Variants in CFI observed in about 807,000 individuals in gnomAD.
CFI encodes complement factor I.
Under a neutral mutation model 78.8 loss-of-function variants are expected in CFI, and 66 were observed. That is an observed-to-expected ratio of 0.84 (90% CI 0.69 to 1.03). The LOEUF is 1.03. Among genes scored for constraint, CFI ranks in the 50% least tolerant of loss-of-function variants. The pLI, the probability that CFI is intolerant of heterozygous loss-of-function variation, is 0.00. For synonymous variants in CFI, 250 were observed against 232.6 expected (o/e 1.07, Z -0.68); for missense variants, 706 against 704.5 (o/e 1.00, Z -0.02).
intron 11 of CFI, among the ~76,000 whole-genome samples, chr4:109,744,259 G>A (rs1215389490): frequency 6.6e-6 from 1 of 152,182 alleles, no homozygotes; most frequent in Admixed American, 6.5e-5. Context: ...AAATGGTGTT[G>A]TGTCCTTATC....
At chr4:109,761,937 C>T in intron 3 of CFI, 1 of 458,254 alleles carries the variant, frequency 2.2e-6, no homozygotes, top group Non-Finnish European at 4.0e-6. Flanking sequence ...CGCCTGTAAT[C>T]CCAGCACTTT....
chr4:109,775,399 T>C (rs1403711053), intron 1 of CFI, among the ~76,000 whole-genome samples: 5 of 152,190 alleles, frequency 3.3e-5, no homozygotes, highest in African/African-American at 1.2e-4. Flanking sequence ...CCCCACTCAT[T>C]GCTAGCACAG....
chr4:109,769,803 T>C (rs1728332019), intron 1 of CFI, among the ~76,000 whole-genome samples: 1 of 152,174 alleles, frequency 6.6e-6, no homozygotes, highest in Non-Finnish European at 1.5e-5. Context: ...CACCTGTCTG[T>C]TGCCTGCCCT....
chr4:109,731,422 G>C, the CFI span, among the ~76,000 whole-genome samples: 1 of 152,094 alleles, frequency 6.6e-6, no homozygotes. Context: ...TCTAGGTTTG[G>C]CCTTTTGTGT....
At chr4:109,738,327 G>T (rs1445864029), downstream of CFI, among the ~76,000 whole-genome samples, 1 of 151,904 alleles carries the variant, frequency 6.6e-6, no homozygotes. Context: ...GCCCAGGCTG[G>T]TCTCAAACTT....
chr4:109,764,252 G>A (rs1032806474), intron 3 of CFI: 24 of 465,846 alleles, frequency 5.2e-5, no homozygotes, highest in African/African-American at 1.2e-4. Context: ...AATTGTAGAC[G>A]AGTAGGAGAC....
intron 1 of CFI, among the ~76,000 whole-genome samples, chr4:109,789,386 A>G (rs1057183317): frequency 4.6e-5 from 7 of 152,030 alleles, no homozygotes; most frequent in African/African-American, 1.7e-4. Flanking sequence ...GTCACACTCA[A>G]ATTACTTGGA....
intron 1 of CFI, among the ~76,000 whole-genome samples, chr4:109,797,692 T>C (rs1339673213): frequency 3.9e-5 from 6 of 152,140 alleles, no homozygotes; most frequent in South Asian, 2.1e-4. Flanking sequence ...CTAAAATACA[T>C]AGGGAATTCC....
At chr4:109,746,187 C>T in intron 11 of CFI, 35 bp downstream of exon 11, 2 of 1,611,472 alleles carry the variant, frequency 1.2e-6, no homozygotes. Context: ...ATTTCCAACT[C>T]ATGGCTTCTG....
In CFI at chr4:109,752,936, A is replaced by G. The variant is rs185041533; in HGVS notation, c.905-433T>C. On this transcript the variant is annotated intron_variant, in intron 7 of 12. Transcript: ENST00000394634. ...TATTTATAATATATATTTATTATAT[A>G]AATAAATATTTATAATACATATTTA... Among the ~76,000 whole-genome samples, 673 of 66,214 alleles carry G rather than the reference A, an allele frequency of 0.01. 77 individuals are homozygous for G. In the East Asian group the frequency reaches 0.13, roughly 12 times the overall value. 43.4% of individuals were successfully genotyped at this position (66,214 alleles called of 152,430 possible).
chr4:109,766,047 G>T (rs1253985239), intron 2 of CFI, among the ~76,000 whole-genome samples: 1 of 152,052 alleles, frequency 6.6e-6, no homozygotes, highest in Non-Finnish European at 1.5e-5. Flanking sequence ...GAACCCGGGA[G>T]GCAGAGGTTG....
intron 2 of CFI, among the ~76,000 whole-genome samples, chr4:109,766,130 C>A (rs1727721450): frequency 6.6e-6 from 1 of 152,006 alleles, no homozygotes; most frequent in South Asian, 2.1e-4. Context: ...AAAAACAAAA[C>A]AAACAAAAAC....
chr4:109,758,894 A>G lies in CFI; in HGVS notation c.884-1111T>C, dbSNP rs1178436910. 3.9e-5 allele frequency among the ~76,000 whole-genome samples: 6 copies of G among 152,340 alleles called. No individual in the cohort carries two copies. The East Asian group carries it at 7.7e-4, about 20-fold the overall frequency. On this transcript the variant is annotated intron_variant, in intron 6 of 12. Coordinates refer to ENST00000394634, the MANE Select transcript of CFI (RefSeq NM_000204.5). ...GATCACTTGAGGCCAAGAGTTCGAG[A>G]CGAGCCTGGCCAATGTGGCGAAACT...
intron 3 of CFI, among the ~76,000 whole-genome samples, chr4:109,763,080 A>G (rs568796182): frequency 5.9e-5 from 9 of 152,292 alleles, no homozygotes; most frequent in African/African-American, 1.9e-4. Context: ...TTCAGAAAGA[A>G]GGGGTGAGAT....
chr4:109,778,469 T>C (rs916942495), intron 1 of CFI, among the ~76,000 whole-genome samples: 5 of 152,168 alleles, frequency 3.3e-5, no homozygotes, highest in Non-Finnish European at 5.9e-5. Context: ...TAAGAGGTTC[T>C]GAAATTGAGG....
At chr4:109,784,432 G>A (rs1179246072) in intron 1 of CFI, among the ~76,000 whole-genome samples, 1 of 152,050 alleles carries the variant, frequency 6.6e-6, no homozygotes, top group Admixed American at 6.6e-5. Context: ...TTTTAAGATA[G>A]AGAATCATAT....
chr4:109,775,212 C>T (rs1033593971), intron 1 of CFI, among the ~76,000 whole-genome samples: 83 of 152,172 alleles, frequency 5.5e-4, no homozygotes, highest in Middle Eastern at 3.4e-3. Flanking sequence ...TCGCCTCACC[C>T]GGGAAGTGCA....
At chr4:109,739,566 A>C (rs1368204502), downstream of CFI, among the ~76,000 whole-genome samples, 1 of 152,118 alleles carries the variant, frequency 6.6e-6, no homozygotes, top group Non-Finnish European at 1.5e-5. Context: ...GTAGGTTAAG[A>C]AAGTGCAACT....
At chr4:109,747,968 A>T (rs1724685658) in intron 10 of CFI, among the ~76,000 whole-genome samples, 1 of 152,150 alleles carries the variant, frequency 6.6e-6, no homozygotes, top group African/African-American at 2.4e-5. Flanking sequence ...CTCAGGTGGT[A>T]ATGCTCGCCC....
Sources: allele counts gnomAD v4.1 joint callset (sites outside exome capture counted in the v4.1 genomes callset), GRCh38; gene constraint gnomAD v4.1.1; transcripts MANE v1.5; gene names NCBI Gene and HGNC (gene_info 2026-07-23, HGNC 2026-07-21).